Variants in ZNF654 observed in about 807,000 individuals in gnomAD.
The protein encoded by ZNF654 is melanoma-associated antigen.
ZNF654 carries 19 observed loss-of-function variants against 95.3 expected under a neutral mutation model. The observed-to-expected ratio is 0.20, with a 90% confidence interval of 0.14 to 0.29. The LOEUF is 0.29. Among genes scored for constraint, ZNF654 ranks in the 10% least tolerant of loss-of-function variants. ZNF654 has a pLI of 1.00. For missense variants in ZNF654, 1,046 were observed against 1,341.0 expected, an observed-to-expected ratio of 0.78 and a Z score of 3.44; for synonymous variants, 413 against 457.9, an observed-to-expected ratio of 0.90 and a Z score of 1.25.
chr3:88,088,691 G>C (rs1708464581), intron 2 of ZNF654, among the ~76,000 whole-genome samples: 1 of 150,732 alleles, frequency 6.6e-6, no homozygotes, highest in Non-Finnish European at 1.5e-5. Flanking sequence ...AGAGAGTTTA[G>C]AATATATTAT....
rs987243539 is a variant in ZNF654, at chr3:88,144,586, C to G, written c.*2934C>G. 6.6e-6 allele frequency: 1 copy of G among 152,282 alleles called. No homozygotes were observed. The highest frequency in any genetic ancestry group is 2.4e-5 in the African/African-American group (1 of 41,380). The allele number at this position is 152,282 out of a possible 1,614,324, so 9.4% of individuals were successfully genotyped here. ...ACTGAGCCATTGAACTGCAATAAAT[C>G]AACAATAGTGTCTCATTTCAAGAAA... is the stretch of plus-strand genomic sequence containing the variant. On this transcript the variant is annotated 3_prime_UTR_variant, in exon 9 of 9. Coordinates refer to ENST00000636215, the MANE Select transcript of ZNF654 (RefSeq NM_001350134.2).
intron 2 of ZNF654, among the ~76,000 whole-genome samples, chr3:88,105,097 C>T (rs1315939720): frequency 6.6e-6 from 1 of 152,160 alleles, no homozygotes; most frequent in East Asian, 1.9e-4. Context: ...CTGAGTTGCA[C>T]CACTGCACTC....
rs1417273819 is a variant in ZNF654, at chr3:88,059,260, A to T, written c.-60A>T. On this transcript the variant is annotated 5_prime_UTR_variant, in exon 1 of 9. Coordinates refer to ENST00000636215, the MANE Select transcript of ZNF654 (RefSeq NM_001350134.2). ...CTAGAGAGGAGGAGGAGGTTAGCCTAGGCATCTACGGCGGCGGCGGCGGCG... is the reference window on the plus strand; with the variant it reads ...CTAGAGAGGAGGAGGAGGTTAGCCTTGGCATCTACGGCGGCGGCGGCGGCG... The T allele has an allele frequency of 6.5e-7, 1 of 1,531,114 alleles. No homozygotes were observed. Among genetic ancestry groups the T allele is most frequent in the Non-Finnish European group, 8.7e-7 (1 of 1,145,524 alleles). The allele number at this position is 1,531,114 out of a possible 1,614,324, so 94.8% of individuals were successfully genotyped here.
chr3:88,124,103 A>G (rs1447476878), intron 3 of ZNF654, among the ~76,000 whole-genome samples: 4 of 152,246 alleles, frequency 2.6e-5, no homozygotes, highest in Admixed American at 2.6e-4. Context: ...ATGCCCTAAA[A>G]TAAGATATTT....
At position 88,140,728 on chromosome 3, in the gene ZNF654, C is replaced by A. The variant is rs143384053; in HGVS notation, c.3059C>A (p.Thr1020Asn). The change falls in exon 8 of 9, where the codon ACC (threonine) becomes AAC (asparagine). Residue 1020 changes from threonine (T) to asparagine (N), a missense_variant. Around this residue, in one of 9 missense-constraint regions of ZNF654, gnomAD observed 495 missense variants for 537.0 expected, o/e 0.92. Transcript: ENST00000636215. ...LPSVVPQEHN[T>N]LPVSQAPSKP... ...AGTGTTGTACCACAAGAACACAACA[C>A]CTTGCCAGTATCTCAGGCACCTTCC... 1.1e-5 allele frequency: 18 copies of A among 1,613,692 alleles called. No homozygotes were observed. In the South Asian group the frequency reaches 2.0e-4, roughly 18 times the overall value.
chr3:88,133,730 G>A (rs1706601275), intron 6 of ZNF654, among the ~76,000 whole-genome samples: 1 of 152,058 alleles, frequency 6.6e-6, no homozygotes. Context: ...AGCACTAAAT[G>A]AAATATGATC....
At chr3:88,110,082 A>G (rs1479412975) in intron 2 of ZNF654, among the ~76,000 whole-genome samples, 3 of 152,172 alleles carry the variant, frequency 2.0e-5, no homozygotes, top group Non-Finnish European at 4.4e-5. Context: ...CATGTTAATA[A>G]ATAATGGTTG....
chr3:88,122,134 T>C (rs918681073), intron 3 of ZNF654, among the ~76,000 whole-genome samples: 3 of 152,162 alleles, frequency 2.0e-5, no homozygotes, highest in African/African-American at 4.8e-5. Flanking sequence ...AGGTAGCTAG[T>C]AGAAGCTTCT....
chr3:88,117,779 AT>A (rs1373875901), intron 3 of ZNF654, among the ~76,000 whole-genome samples: 2 of 152,142 alleles, frequency 1.3e-5, no homozygotes, highest in Non-Finnish European at 2.9e-5. Context: ...AATCAAATGT[AT>A]TTTTGGGCAT....
intron 2 of ZNF654, among the ~76,000 whole-genome samples, chr3:88,103,858 T>C (rs917196574): frequency 6.7e-6 from 1 of 149,050 alleles, no homozygotes; most frequent in African/African-American, 2.5e-5. Context: ...CCTCTGCCTC[T>C]CGGGGTCAAG....
In ZNF654 at chr3:88,089,364, G is replaced by T. The variant is rs138086929; in HGVS notation, c.332+2962G>T. On this transcript the variant is annotated intron_variant, in intron 2 of 8. Transcript: ENST00000636215. ...AAATTAGCCAGGCGTGGTGGCAAGC[G>T]CCTGTAATCCCAGCTACTTGGGAGG... Among the ~76,000 whole-genome samples the T allele has an allele frequency of 5.3e-5, 8 of 151,784 alleles. 1 individual carries two copies. The highest frequency in any genetic ancestry group is 3.3e-4 in the Admixed American group (5 of 15,230).
chr3:88,091,517 T>C (rs559134120), intron 2 of ZNF654, among the ~76,000 whole-genome samples: 233 of 152,340 alleles, frequency 1.5e-3, no homozygotes, highest in Non-Finnish European at 1.3e-3. Context: ...AAAATTCTTA[T>C]ACAACTTTCA....
At chr3:88,133,098 T>G (rs1706562333) in intron 6 of ZNF654, among the ~76,000 whole-genome samples, 1 of 152,188 alleles carries the variant, frequency 6.6e-6, no homozygotes, top group African/African-American at 2.4e-5. Context: ...CTTAATAGTT[T>G]AGAGTTGAGA....
At position 88,139,515 on chromosome 3, in the gene ZNF654, T is replaced by C. The variant is rs774827750; in HGVS notation, c.1846T>C (p.Leu616=). Residue 616 remains leucine (L), a synonymous_variant, in exon 8 of 9, where the codon TTG becomes CTG. Coordinates refer to ENST00000636215, the MANE Select transcript of ZNF654 (RefSeq NM_001350134.2). ...AQQDDQEVTA[L]EEINCSSSSI... ...ACAGGATGATCAGGAAGTCACTGCT[T>C]TGGAAGAAATAAATTGTTCTAGTTC... 1 of 1,613,458 alleles carries C rather than the reference T, an allele frequency of 6.2e-7. No individual in the cohort carries two copies. Among genetic ancestry groups the C allele is most frequent in the South Asian group, 1.1e-5 (1 of 90,942 alleles).
intron 7 of ZNF654, among the ~76,000 whole-genome samples, chr3:88,137,438 A>G (rs1706865081): frequency 6.6e-6 from 1 of 152,124 alleles, no homozygotes; most frequent in Non-Finnish European, 1.5e-5. Context: ...TTCTGCAAAC[A>G]TTTATTCAGA....
At chr3:88,113,823 TCTTA>T (rs1281780883) in intron 3 of ZNF654, among the ~76,000 whole-genome samples, 1 of 9,168 alleles carries the variant, frequency 1.1e-4, no homozygotes, top group Admixed American at 2.1e-3. Flanking sequence ...AGACAACATA[TCTTA>T]TATTTGTTAA....
Position 88,059,340 on chromosome 3 carries a change from C to G in ZNF654, c.21C>G (p.Asp7Glu), listed in dbSNP as rs2107569638. 1 of 1,534,668 alleles carries G rather than the reference C, an allele frequency of 6.5e-7. No homozygotes were observed. Among genetic ancestry groups the G allele is most frequent in the East Asian group, 2.4e-5 (1 of 40,892 alleles). ...GCCTCATGGCGGAGGAAGAGAGCGA[C>G]CAAGAGGCCGAACGCCTCGGAGAAG... The part of the protein sequence containing the change: MAEEES[D>E]QEAERLGEEL... The change falls in exon 1 of 9, where the codon GAC becomes GAG. Residue 7 changes from aspartate (D) to glutamate (E), a missense_variant. Physicochemically the swap from Asp to Glu is conservative, Grantham distance 45. Transcript: ENST00000636215.
intron 1 of ZNF654, among the ~76,000 whole-genome samples, chr3:88,063,321 T>C (rs964607249): frequency 3.3e-5 from 5 of 152,202 alleles, no homozygotes; most frequent in Admixed American, 6.5e-5. Flanking sequence ...CCGATATAAA[T>C]GGCAGTAAAG....
chr3:88,087,660 C>A (rs756127998), intron 2 of ZNF654, among the ~76,000 whole-genome samples: 17 of 152,270 alleles, frequency 1.1e-4, no homozygotes, highest in Non-Finnish European at 1.6e-4. Context: ...TGTACTCACA[C>A]CACAACAGTG....
Sources: allele counts gnomAD v4.1 joint callset (sites outside exome capture counted in the v4.1 genomes callset), GRCh38; gene constraint gnomAD v4.1.1; regional missense constraint gnomAD v4.1.1; transcripts MANE v1.5; gene names NCBI Gene and HGNC (gene_info 2026-07-23, HGNC 2026-07-21).